LAMA5: variants seen among roughly 807,000 people sequenced by gnomAD.
LAMA5 encodes the protein laminin subunit alpha-5.
LAMA5 carries 260 observed loss-of-function variants against 433.4 expected under a neutral mutation model. The observed-to-expected ratio is 0.60, with a 90% confidence interval of 0.54 to 0.66. The LOEUF (loss-of-function observed/expected upper bound fraction) is 0.66, where lower values mean the gene tolerates loss of function less well. Ranked by LOEUF, LAMA5 falls within the 30% of genes least tolerant of loss-of-function variation. The probability of loss-of-function intolerance (pLI) is 0.00; values close to 1 mark genes in which losing one functional copy is unlikely to be tolerated. For synonymous variants in LAMA5, 2,620 were observed against 2,226.6 expected (o/e 1.18, Z -4.97); for missense variants, 5,378 against 5,258.5 (o/e 1.02, Z -0.70).
chr20:62,315,101 C>G lies in LAMA5; in HGVS notation c.7974G>C (p.Glu2658Asp). 1.2e-6 allele frequency: 2 copies of G among 1,606,658 alleles called. No homozygotes were observed. Among genetic ancestry groups the G allele is most frequent in the Non-Finnish European group, 1.7e-6 (2 of 1,179,694 alleles). ...GGCCCTCGTACTGGCCCTGCCACCG[C>G]TCCACATTCTCCTGCATGGCCTGCA... ...SQLQAMQENV[E>D]RWQGQYEGLR... The change falls in exon 59 of 80, where the codon GAG becomes GAC. Residue 2658 changes from glutamate to aspartate, a missense_variant. Physicochemically the swap from Glu to Asp is conservative, Grantham distance 45. Coordinates refer to ENST00000252999, the MANE Select transcript of LAMA5 (RefSeq NM_005560.6).
At position 62,328,306 on chromosome 20, in the gene LAMA5, G is replaced by A; in HGVS notation, c.4587C>T (p.Asn1529=). 3 of 1,607,266 alleles carry A rather than the reference G, an allele frequency of 1.9e-6. No homozygotes were observed. Among genetic ancestry groups the A allele is most frequent in the Non-Finnish European group, 2.5e-6 (3 of 1,177,688 alleles). ...CHPLVGCEEC[N]CSGPGIQELT... ...GCTCCTGGATGCCGGGCCCTGAGCA[G>A]TTACACTCCTCACAGCCGACCAGGG... Residue 1529 remains asparagine (N), a synonymous_variant, in exon 35 of 80, where the codon AAC becomes AAT. Coordinates refer to ENST00000252999, the MANE Select transcript of LAMA5 (RefSeq NM_005560.6).
rs1253494698 is a variant in LAMA5, at chr20:62,331,137, C to A, written c.3553-8G>T. 1.3e-6 allele frequency: 2 copies of A among 1,552,480 alleles called. No individual in the cohort carries two copies. Among genetic ancestry groups the A allele is most frequent in the African/African-American group, 2.8e-5 (2 of 71,746 alleles). On this transcript the variant is annotated splice_polypyrimidine_tract_variant and splice_region_variant and intron_variant, in intron 28 of 79. Coordinates refer to ENST00000252999, the MANE Select transcript of LAMA5 (RefSeq NM_005560.6). ...CACCAGAGTGACCCCGTGCTGCAGG[C>A]AGAGGGACGAGATGCTGCAACGCCC...
Position 62,334,625 on chromosome 20 carries a change from C to A in LAMA5, c.2483-4G>T. On this transcript the variant is annotated splice_region_variant and splice_polypyrimidine_tract_variant and intron_variant, in intron 20 of 79. Transcript: ENST00000252999. ...CCGCCAATGTCACACCGGCAGCCTG[C>A]AGGGAGAAGGTGGGAGGTCAGAGGC... The A allele has an allele frequency of 6.5e-7, 1 of 1,545,000 alleles. No homozygotes were observed. Among genetic ancestry groups the A allele is most frequent in the South Asian group, 1.2e-5 (1 of 83,972 alleles).
chr20:62,320,513 A>G (rs1987572193), intron 50 of LAMA5, 46 bp downstream of exon 50: 37 of 1,433,232 alleles, frequency 2.6e-5, no homozygotes, highest in African/African-American at 4.2e-5. Context: ...CGCGGGGAAC[A>G]CAGGTGAAAG....
rs1267967030 is a variant in LAMA5 at position 62,361,534 on chromosome 20, G to A, written c.450+866C>T. 3.3e-5 allele frequency among the ~76,000 whole-genome samples: 5 copies of A among 152,226 alleles called. No individual in the cohort carries two copies. In the South Asian group the frequency reaches 8.3e-4, roughly 25 times the overall value. On this transcript the variant is annotated intron_variant, in intron 2 of 79. Coordinates refer to ENST00000252999, the MANE Select transcript of LAMA5 (RefSeq NM_005560.6). ...TCTAACACCCTCGGGACAATGGCAG[G>A]GACAGAGGCTCAGACAGGGGTGAAG... is the stretch of plus-strand genomic sequence containing the variant.
rs139947607 is a variant in LAMA5 at position 62,333,623 on chromosome 20, G to T, written c.2962C>A (p.Pro988Thr). Reference sequence around the variant, plus strand: ...CAGGTGCCAGGGTTCAGCACAAAGGGCTCTCCGAAGCCCCTCTGGGGCACG... The same window carrying T: ...CAGGTGCCAGGGTTCAGCACAAAGGTCTCTCCGAAGCCCCTCTGGGGCACG... ...ITVPQRGFGE[P>T]FVLNPGTWAL... Residue 988 changes from proline (P) to threonine (T), a missense_variant, in exon 24 of 80, where the codon CCC (proline) becomes ACC (threonine). By Grantham distance (38) the Pro-to-Thr change is conservative. Transcript: ENST00000252999. 1.9e-6 allele frequency: 3 copies of T among 1,580,400 alleles called. No homozygotes were observed. Among genetic ancestry groups the T allele is most frequent in the Non-Finnish European group, 2.6e-6 (3 of 1,163,968 alleles).
At chr20:62,365,506 G>A (rs1431657605) in intron 1 of LAMA5, among the ~76,000 whole-genome samples, 1 of 152,172 alleles carries the variant, frequency 6.6e-6, no homozygotes, top group South Asian at 2.1e-4. Flanking sequence ...GCAGGCTGTG[G>A]GGGGGTGGTC....
In LAMA5 at chr20:62,318,524, C is replaced by G. The variant is rs530380498; in HGVS notation, c.7169G>C (p.Arg2390Pro). 2 of 1,609,606 alleles carry G rather than the reference C, an allele frequency of 1.2e-6. No individual in the cohort carries two copies. The highest frequency in any genetic ancestry group is 2.2e-5 in the East Asian group (1 of 44,762). The part of the protein sequence containing the change: ...GLMDLREALN[R>P]AVDATREAQE... ...GGCCTCCCGTGTGGCGTCCACTGCC[C>G]GGTTCAAAGCCTCTCGCAGGTCCAT... Residue 2390 changes from arginine to proline, a missense_variant, in exon 53 of 80, where the codon CGG becomes CCG. Arg to Pro is a moderately radical substitution (Grantham distance 103). Transcript: ENST00000252999.
At chr20:62,338,653 C>A in intron 11 of LAMA5, 45 bp from the exon 12 acceptor site, 1 of 1,549,364 alleles carries the variant, frequency 6.5e-7, no homozygotes, top group South Asian at 1.2e-5. Flanking sequence ...GCCCTGCAGA[C>A]CCCAGTACGC....
rs569765020 is a variant in LAMA5 at position 62,311,298 on chromosome 20, G to T, written c.9952C>A (p.Arg3318Ser). ...LQATARKASR[R>S]SRQPARHPAC... ...GGATGCCGGGCGGGCTGACGGCTGC[G>T]GCGGGAGGCCTGGGGGCGTGGATGG... The change falls in exon 73 of 80, where the codon CGC (arginine) becomes AGC (serine). Residue 3318 changes from arginine to serine, a missense_variant. Physicochemically the swap from Arg to Ser is moderately radical, Grantham distance 110. Transcript: ENST00000252999. The T allele has an allele frequency of 6.3e-7, 1 of 1,582,880 alleles. No homozygotes were observed. Among genetic ancestry groups the T allele is most frequent in the Non-Finnish European group, 8.6e-7 (1 of 1,167,326 alleles).
rs577510240 is a variant in LAMA5, at chr20:62,322,001, G to A, written c.6496+18C>T. On this transcript the variant is annotated intron_variant, in intron 48 of 79. Transcript: ENST00000252999. The stretch of plus-strand genomic sequence containing the variant: ...CCTACTCCATCAGGTGTGGGGAAGT[G>A]GGGTGTTGAGGACACACCTTCACAG... The A allele has an allele frequency of 2.5e-6, 4 of 1,594,768 alleles. No individual in the cohort carries two copies. The highest frequency in any genetic ancestry group is 3.3e-5 in the Admixed American group (2 of 59,962).
intron 50 of LAMA5, 97 bp downstream of exon 50, chr20:62,320,462 C>T (rs1033857462): frequency 3.2e-5 from 29 of 900,130 alleles, no homozygotes; most frequent in African/African-American, 9.9e-5. Flanking sequence ...GACACATGTA[C>T]GAGGCATGAA....
In LAMA5 at chr20:62,328,959, A is replaced by G. The variant is rs553012227; in HGVS notation, c.4332T>C (p.Gly1444=). ...GARPCGCHEV[G]ATGPTCEPFG... ...AGGGCTCACACGTGGGGCCTGTAGC[A>G]CCTACTTCGTGGCAGCCACATGGAC... is the stretch of plus-strand genomic sequence containing the variant. The change falls in exon 34 of 80, where the codon GGT becomes GGC. Residue 1444 remains glycine, a synonymous_variant. Coordinates refer to ENST00000252999, the MANE Select transcript of LAMA5 (RefSeq NM_005560.6). 6.2e-7 allele frequency: 1 copy of G among 1,612,374 alleles called. No homozygotes were observed. The highest frequency in any genetic ancestry group is 1.3e-5 in the African/African-American group (1 of 75,052).
intron 18 of LAMA5, 31 bp from the exon 19 acceptor site, chr20:62,335,300 T>C (rs1601363075): frequency 6.2e-7 from 1 of 1,609,738 alleles, no homozygotes; most frequent in East Asian, 2.2e-5. Context: ...CTCAGATGCT[T>C]GGTGGGGCAG....
At chr20:62,336,472 G>C (rs1981650772) in intron 17 of LAMA5, 27 bp from the exon 18 acceptor site, 1 of 1,580,204 alleles carries the variant, frequency 6.3e-7, no homozygotes, top group Non-Finnish European at 8.7e-7. Context: ...CTGCAGGTCA[G>C]AGCGGGCGCC....
At chr20:62,323,298 G>T (rs957042166) in intron 45 of LAMA5, among the ~76,000 whole-genome samples, 158 bp downstream of exon 45, 2 of 151,992 alleles carry the variant, frequency 1.3e-5, no homozygotes, top group Admixed American at 1.3e-4. Context: ...CATAGCGGGG[G>T]AGAAAGGGTT....
rs780747972 is a variant in LAMA5 at position 62,352,257 on chromosome 20, G to T, written c.672C>A (p.Pro224=). The part of the protein sequence containing the change: ...ICTTEYSRIV[P]LENGEIVVSL... ...CCCGGCCCACCTCTCCGTTCTCCAG[G>T]GGCACGATGCGTGAGTACTCGGTGG... The change falls in exon 4 of 80, where the codon CCC becomes CCA. Residue 224 remains proline (P), a synonymous_variant. Transcript: ENST00000252999. The T allele has an allele frequency of 1.3e-6, 2 of 1,599,476 alleles. No homozygotes were observed. The highest frequency in any genetic ancestry group is 1.7e-5 in the Admixed American group (1 of 59,990).
In LAMA5 at chr20:62,318,861, A is replaced by C; in HGVS notation, c.7024T>G (p.Leu2342Val). The C allele has an allele frequency of 6.2e-7, 1 of 1,609,816 alleles. No individual in the cohort carries two copies. The highest frequency in any genetic ancestry group is 8.5e-7 in the Non-Finnish European group (1 of 1,179,206). ...GAPQAAAEAE[L>V]AAAQRLLARV... Reference sequence around the variant, plus strand: ...CACTCACATCTCTGTGCTGCAGCCAACTCAGCCTCAGCTGCTGCCTGCGGG... The same window carrying C: ...CACTCACATCTCTGTGCTGCAGCCACCTCAGCCTCAGCTGCTGCCTGCGGG... The change falls in exon 52 of 80, where the codon TTG (leucine) becomes GTG (valine). Residue 2342 changes from leucine to valine, a missense_variant. Physicochemically the swap from Leu to Val is conservative, Grantham distance 32. Coordinates refer to ENST00000252999, the MANE Select transcript of LAMA5 (RefSeq NM_005560.6).
In LAMA5 at chr20:62,318,796, G is replaced by A. The variant is rs375750605; in HGVS notation, c.7042+47C>T. 3.8e-5 allele frequency: 61 copies of A among 1,596,844 alleles called. No individual in the cohort carries two copies. In the African/African-American group the frequency reaches 7.9e-4, roughly 21 times the overall value. On this transcript the variant is annotated intron_variant, in intron 52 of 79. Coordinates refer to ENST00000252999, the MANE Select transcript of LAMA5 (RefSeq NM_005560.6). Reference sequence around the variant, plus strand: ...GCTGACCTCCCCCTTGGAGCTCCCAGGTCCCTGCCTCTCCCCACCCCGCCT... The same window carrying A: ...GCTGACCTCCCCCTTGGAGCTCCCAAGTCCCTGCCTCTCCCCACCCCGCCT...
Sources: gnomAD v4.1 joint callset for allele counts (sites outside exome capture counted in the v4.1 genomes callset) on GRCh38, gnomAD v4.1.1 for gene constraint, MANE v1.5 for transcripts, NCBI Gene and HGNC (gene_info 2026-07-23, HGNC 2026-07-21) for gene names.